CDIN1: variants seen among roughly 807,000 people sequenced by gnomAD.
The protein encoded by CDIN1 is CDAN1-interacting nuclease 1.
Under a neutral mutation model 45.3 loss-of-function variants are expected in CDIN1, and 33 were observed. The observed-to-expected ratio is 0.73, with a 90% CI of 0.55 to 0.97. The LOEUF is 0.97. Among genes scored for constraint, CDIN1 ranks in the 50% least tolerant of loss-of-function variants. The probability of loss-of-function intolerance (pLI) is 0.00; values close to 1 mark genes in which losing one functional copy is unlikely to be tolerated. For missense variants in CDIN1, 303 were observed against 339.4 expected, an observed-to-expected ratio of 0.89 and a Z score of 0.84; for synonymous variants, 118 against 124.4, an observed-to-expected ratio of 0.95 and a Z score of 0.34.
chr15:36,662,811 C>G (rs986743667), intron 5 of CDIN1, among the ~76,000 whole-genome samples: 2 of 150,652 alleles, frequency 1.3e-5, no homozygotes, highest in Non-Finnish European at 2.9e-5. Context: ...AATCGAGTAT[C>G]CCTTATCTGA....
At chr15:36,774,238 T>A (rs890880568) in intron 10 of CDIN1, among the ~76,000 whole-genome samples, 1 of 151,682 alleles carries the variant, frequency 6.6e-6, no homozygotes. Flanking sequence ...TAAACTTAGA[T>A]GAAGGGTCAC....
At chr15:36,758,517 G>T (rs924718797) in intron 10 of CDIN1, among the ~76,000 whole-genome samples, 3 of 152,116 alleles carry the variant, frequency 2.0e-5, no homozygotes, top group African/African-American at 7.2e-5. Context: ...CTTGATGCAT[G>T]TACAAGTTAG....
At chr15:36,650,004 C>G (rs1464478487) in intron 3 of CDIN1, among the ~76,000 whole-genome samples, 1 of 152,194 alleles carries the variant, frequency 6.6e-6, no homozygotes, top group African/African-American at 2.4e-5. Flanking sequence ...CTATTTTTAT[C>G]ACATATGTTA....
chr15:36,655,048 G>A (rs1017445159), intron 4 of CDIN1, among the ~76,000 whole-genome samples: 5 of 152,180 alleles, frequency 3.3e-5, no homozygotes, highest in Non-Finnish European at 7.4e-5. Context: ...GGTACTGTGA[G>A]CATTAAGTGT....
intron 10 of CDIN1, among the ~76,000 whole-genome samples, chr15:36,717,051 T>C (rs2043240218): frequency 6.6e-6 from 1 of 152,178 alleles, no homozygotes; most frequent in South Asian, 2.1e-4. Context: ...CTTGCTAAGC[T>C]AAAACTACAA....
At chr15:36,807,977 T>C (rs1189516639) in intron 10 of CDIN1, among the ~76,000 whole-genome samples, 2 of 152,220 alleles carry the variant, frequency 1.3e-5, no homozygotes, top group East Asian at 1.9e-4. Context: ...AAGGCTGGCA[T>C]TCCCCAGCTC....
intron 8 of CDIN1, chr15:36,706,607 CA>C (rs1367035922): frequency 6.9e-6 from 1 of 144,278 alleles, no homozygotes; most frequent in Non-Finnish European, 1.5e-5. Flanking sequence ...AGCAAGACTT[CA>C]TCTCAAAAAA....
chr15:36,751,229 T>TATATATATATATATATATATATATA (rs1555404178), intron 10 of CDIN1, among the ~76,000 whole-genome samples: 4 of 97,574 alleles, frequency 4.1e-5, no homozygotes, highest in South Asian at 4.1e-4. Context: ...TATGCTTATT[T>TATATATATATATATATATATATATA]TATATATATA....
intron 10 of CDIN1, among the ~76,000 whole-genome samples, chr15:36,726,562 T>A (rs1385229356): frequency 6.6e-6 from 1 of 152,222 alleles, no homozygotes; most frequent in Non-Finnish European, 1.5e-5. Context: ...TGTAGAACAT[T>A]TATCTACATA....
At chr15:36,698,649 A>T (rs562706368) in intron 8 of CDIN1, among the ~76,000 whole-genome samples, 4 of 152,194 alleles carry the variant, frequency 2.6e-5, no homozygotes, top group Non-Finnish European at 5.9e-5. Context: ...GATCACATTG[A>T]TTACTCAGAT....
intron 10 of CDIN1, among the ~76,000 whole-genome samples, chr15:36,805,007 T>C (rs185290128): frequency 6.6e-6 from 1 of 151,914 alleles, no homozygotes; most frequent in Non-Finnish European, 1.5e-5. Flanking sequence ...TTATAAGGGG[T>C]CATTACTTAT....
chr15:36,728,150 GTTTTTGTT>G (rs1436648659), intron 10 of CDIN1, among the ~76,000 whole-genome samples: 1 of 152,118 alleles, frequency 6.6e-6, no homozygotes, highest in Non-Finnish European at 1.5e-5. Context: ...GGGAGGAATT[GTTTTTGTT>G]TTTTTGTTTT....
At chr15:36,789,873 A>G (rs2054601171) in intron 10 of CDIN1, among the ~76,000 whole-genome samples, 1 of 152,232 alleles carries the variant, frequency 6.6e-6, no homozygotes. Context: ...TCAGTCCTAG[A>G]AACCATTGAG....
chr15:36,687,574 T>G (rs1039569213), intron 5 of CDIN1, among the ~76,000 whole-genome samples: 1 of 152,124 alleles, frequency 6.6e-6, no homozygotes, highest in Admixed American at 6.6e-5. Context: ...TTACCAAGAA[T>G]TCAGTGTATA....
intron 10 of CDIN1, among the ~76,000 whole-genome samples, chr15:36,750,429 G>T (rs2053429335): frequency 6.6e-6 from 1 of 152,194 alleles, no homozygotes; most frequent in South Asian, 2.1e-4. Flanking sequence ...GGCTCAGAAA[G>T]ATAAAGTGAC....
intron 10 of CDIN1, among the ~76,000 whole-genome samples, chr15:36,783,552 A>G (rs1295482668): frequency 2.6e-5 from 4 of 152,206 alleles, no homozygotes; most frequent in African/African-American, 9.6e-5. Flanking sequence ...CCCAGTGTTC[A>G]TTATTTTTTA....
intron 5 of CDIN1, among the ~76,000 whole-genome samples, chr15:36,688,417 G>A (rs1281341523): frequency 6.6e-6 from 1 of 152,138 alleles, no homozygotes; most frequent in African/African-American, 2.4e-5. Flanking sequence ...TAGGCATTGT[G>A]CCTTAGTCCA....
chr15:36,737,258 CCTT>C (rs778680761), intron 10 of CDIN1, among the ~76,000 whole-genome samples: 1 of 151,994 alleles, frequency 6.6e-6, no homozygotes, highest in Non-Finnish European at 1.5e-5. Flanking sequence ...CCTATTTTTG[CCTT>C]TTATATCTGA....
At chr15:36,742,884 G>C (rs565557693) in intron 10 of CDIN1, among the ~76,000 whole-genome samples, 26 of 152,298 alleles carry the variant, frequency 1.7e-4, no homozygotes, top group African/African-American at 6.3e-4. Flanking sequence ...AGTATGTTAA[G>C]TACAGTAGCA....
Sources: gnomAD v4.1 joint callset for allele counts (sites outside exome capture counted in the v4.1 genomes callset) on GRCh38, gnomAD v4.1.1 for gene constraint, MANE v1.5 for transcripts, NCBI Gene and HGNC (gene_info 2026-07-23, HGNC 2026-07-21) for gene names.